The following ARHGEF3 variants were observed in gnomAD, a reference collection of about 807,000 sequenced individuals.
ARHGEF3 encodes Rho guanine nucleotide exchange factor 3, also known as 59.8 kDA protein.
In ARHGEF3, 28 loss-of-function variants were observed where a neutral mutation model predicts 63.2. The ratio of observed to expected loss-of-function variants is 0.44; its 90% confidence interval spans 0.33 to 0.61. The LOEUF (loss-of-function observed/expected upper bound fraction) is 0.61. Ranked by LOEUF, ARHGEF3 falls within the 20% of genes least tolerant of loss-of-function variation. The probability of loss-of-function intolerance (pLI) is 0.03; values close to 1 mark genes in which losing one functional copy is unlikely to be tolerated. For missense variants in ARHGEF3, 533 were observed against 659.3 expected, an observed-to-expected ratio of 0.81 and a Z score of 2.10; for synonymous variants, 266 against 254.2, an observed-to-expected ratio of 1.05 and a Z score of -0.44.
chr3:56,841,928 A>G (rs896683106), intron 4 of ARHGEF3, among the ~76,000 whole-genome samples: 5 of 152,160 alleles, frequency 3.3e-5, no homozygotes, highest in Non-Finnish European at 7.4e-5. Flanking sequence ...AGGTCTTGGC[A>G]TTTGTTTTAT....
chr3:56,799,643 AT>A (rs907465266), intron 1 of ARHGEF3, among the ~76,000 whole-genome samples: 27 of 152,188 alleles, frequency 1.8e-4, no homozygotes, highest in African/African-American at 6.3e-4. Context: ...TGGAAAATAT[AT>A]TTTAGTTAAC....
At chr3:56,749,329 G>C (rs144891611) in intron 6 of ARHGEF3, among the ~76,000 whole-genome samples, 1 of 152,156 alleles carries the variant, frequency 6.6e-6, no homozygotes. Context: ...TCTAATAAAC[G>C]TGACAAATGT....
rs530234633 is a variant in ARHGEF3 at position 56,917,213 on chromosome 3, C to G, written c.130-34859G>C. 3.3e-5 allele frequency among the ~76,000 whole-genome samples: 5 copies of G among 152,338 alleles called. No homozygotes were observed. The East Asian group carries it at 9.6e-4, about 29-fold the overall frequency. On this transcript the variant is annotated intron_variant, in intron 3 of 12. Transcript: ENST00000338458. ...CTATGCCTGGCTCACTCCTTCCCCA[C>G]AAACAAACCAGCACTCTCACCCTCC...
At chr3:56,800,899 T>C (rs114149877) in intron 1 of ARHGEF3, among the ~76,000 whole-genome samples, 1,829 of 152,288 alleles carry the variant, frequency 0.012, 14 homozygotes, top group Non-Finnish European at 0.019. Flanking sequence ...GGATGCTTTC[T>C]CCTCCAGCTG....
In ARHGEF3 at chr3:56,808,316, T is replaced by C. The variant is rs112099017; in HGVS notation, c.193-34500A>G. Among the ~76,000 whole-genome samples, 1,055 of 152,244 alleles carry C rather than the reference T, an allele frequency of 6.9e-3. 11 individuals carry two copies. The highest frequency in any genetic ancestry group is 0.024 in the African/African-American group (979 of 41,546). ...TAATAAATTAGCCAGTCACAGTGGC[T>C]CACGCCTGTAATCCCAGCACTTTGG... On this transcript the variant is annotated intron_variant, in intron 4 of 12. Transcript: ENST00000338458.
chr3:56,818,865 CA>C (rs999463512), intron 4 of ARHGEF3, among the ~76,000 whole-genome samples: 1 of 151,930 alleles, frequency 6.6e-6, no homozygotes, highest in African/African-American at 2.4e-5. Flanking sequence ...TTTTGGAGCT[CA>C]AAGGATAAAG....
At chr3:56,738,926 C>T (rs1400234645) in intron 7 of ARHGEF3, among the ~76,000 whole-genome samples, 1 of 151,776 alleles carries the variant, frequency 6.6e-6, no homozygotes, top group Non-Finnish European at 1.5e-5. Context: ...GCTGTCTCTA[C>T]TAAAAATATT....
chr3:56,794,044 T>A (rs577987200), intron 1 of ARHGEF3, among the ~76,000 whole-genome samples: 1 of 151,988 alleles, frequency 6.6e-6, no homozygotes, highest in African/African-American at 2.4e-5. Context: ...TATGTCACAT[T>A]TGGAAAAGTT....
intron 1 of ARHGEF3, among the ~76,000 whole-genome samples, chr3:57,062,453 G>T (rs1705277084): frequency 6.6e-6 from 1 of 152,198 alleles, no homozygotes; most frequent in South Asian, 2.1e-4. Context: ...GAGCACGGCG[G>T]CGGGGGCGGG....
intron 2 of ARHGEF3, among the ~76,000 whole-genome samples, chr3:56,966,654 C>T (rs1700507219): frequency 6.6e-6 from 1 of 151,796 alleles, no homozygotes; most frequent in African/African-American, 2.4e-5. Flanking sequence ...AGAAAGATAT[C>T]CCTGGCAAGG....
At chr3:57,074,545 T>A (rs1706119708) in intron 1 of ARHGEF3, 2 of 428,128 alleles carry the variant, frequency 4.7e-6, no homozygotes, top group African/African-American at 2.0e-5. Context: ...TTCACTGTAT[T>A]AAATGACATC....
intron 1 of ARHGEF3, among the ~76,000 whole-genome samples, chr3:56,795,586 C>T (rs1330824723): frequency 6.6e-6 from 1 of 152,024 alleles, no homozygotes; most frequent in East Asian, 1.9e-4. Context: ...TTAAAAAGAG[C>T]CACTCCTTTC....
At chr3:56,730,061 AAAAAT>A (rs2033022871) in intron 9 of ARHGEF3, among the ~76,000 whole-genome samples, 1 of 152,230 alleles carries the variant, frequency 6.6e-6, no homozygotes, top group Non-Finnish European at 1.5e-5. Flanking sequence ...CTCAAAAAAT[AAAAAT>A]AAATCAATAA....
chr3:56,750,572 GT>G (rs1028007098), intron 6 of ARHGEF3, among the ~76,000 whole-genome samples: 1 of 149,118 alleles, frequency 6.7e-6, no homozygotes, highest in Non-Finnish European at 1.5e-5. Context: ...GGCCTAAAAA[GT>G]TTTTTTTAAT....
At chr3:56,865,738 T>C (rs2040228551) in intron 4 of ARHGEF3, among the ~76,000 whole-genome samples, 1 of 152,004 alleles carries the variant, frequency 6.6e-6, no homozygotes, top group East Asian at 1.9e-4. Flanking sequence ...TATTGGGAGG[T>C]GGGGCTCTTG....
chr3:57,047,398 A>AAAC (rs10642649), intron 1 of ARHGEF3, among the ~76,000 whole-genome samples: 86,468 of 151,362 alleles, frequency 0.57, 25,546 homozygotes, highest in Middle Eastern at 0.66. Context: ...TTCGTCTCAA[A>AAAC]AACAACAACA....
intron 1 of ARHGEF3, chr3:57,075,367 G>A (rs1706162960): frequency 6.0e-6 from 1 of 167,038 alleles, no homozygotes; most frequent in Non-Finnish European, 1.5e-5. Context: ...GTCAGTACCA[G>A]GGCAATGCCT....
At chr3:56,828,568 A>C (rs1055065483) in intron 4 of ARHGEF3, among the ~76,000 whole-genome samples, 11 of 152,032 alleles carry the variant, frequency 7.2e-5, no homozygotes, top group Non-Finnish European at 1.3e-4. Flanking sequence ...AAAAAAACCA[A>C]GTTGGGTGTT....
At chr3:56,775,812 A>ACC in intron 1 of ARHGEF3, 1 of 318,352 alleles carries the variant, frequency 3.1e-6, no homozygotes, top group Non-Finnish European at 4.5e-6. Flanking sequence ...ACACACACAC[A>ACC]CACACACACT....
Sources: allele counts gnomAD v4.1 joint callset (sites outside exome capture counted in the v4.1 genomes callset), GRCh38; gene constraint gnomAD v4.1.1; transcripts MANE v1.5; gene names NCBI Gene and HGNC (gene_info 2026-07-23, HGNC 2026-07-21).